Variants in ADCY8 observed in about 807,000 individuals in gnomAD.
The protein encoded by ADCY8 is adenylate cyclase 8.
In ADCY8, 51 loss-of-function variants were observed where a neutral mutation model predicts 119.7. The observed-to-expected ratio is 0.43, with a 90% CI of 0.34 to 0.54. The LOEUF (loss-of-function observed/expected upper bound fraction) is 0.54, where lower values mean the gene tolerates loss of function less well. Among genes scored for constraint, ADCY8 ranks in the 20% least tolerant of loss-of-function variants. ADCY8 has a pLI of 0.03. For missense variants in ADCY8, 1,383 were observed against 1,598.8 expected (o/e 0.87, Z 2.30); for synonymous variants, 665 against 651.0 (o/e 1.02, Z -0.33).
intron 12 of ADCY8, among the ~76,000 whole-genome samples, chr8:130,835,259 CA>C (rs760992536): frequency 6.6e-6 from 1 of 152,134 alleles, no homozygotes; most frequent in Non-Finnish European, 1.5e-5. Flanking sequence ...GTGATGTCAT[CA>C]GAAAGTGCAT....
chr8:130,844,060 G>T (rs1432061397), intron 11 of ADCY8, among the ~76,000 whole-genome samples: 7 of 152,108 alleles, frequency 4.6e-5, no homozygotes, highest in Non-Finnish European at 8.8e-5. Context: ...GGAAAAATGG[G>T]CTCTTCAGGA....
chr8:130,925,118 T>C (rs1433945749), intron 5 of ADCY8, among the ~76,000 whole-genome samples: 1 of 151,802 alleles, frequency 6.6e-6, no homozygotes, highest in Admixed American at 6.6e-5. Context: ...GGCAGGAGAA[T>C]TGCTTGAATC....
At chr8:130,932,248 G>A (rs895983211) in intron 5 of ADCY8, among the ~76,000 whole-genome samples, 1 of 152,180 alleles carries the variant, frequency 6.6e-6, no homozygotes, top group African/African-American at 2.4e-5. Context: ...GCTAAGGGAT[G>A]TCCAGAGCCC....
At chr8:130,962,824 G>A (rs1821644739) in intron 2 of ADCY8, among the ~76,000 whole-genome samples, 1 of 152,170 alleles carries the variant, frequency 6.6e-6, no homozygotes, top group African/African-American at 2.4e-5. Context: ...CTCCACTGCA[G>A]GCAAAGTGGC....
chr8:130,959,905 G>C (rs1333808604), intron 2 of ADCY8, among the ~76,000 whole-genome samples: 1 of 152,154 alleles, frequency 6.6e-6, no homozygotes, highest in Non-Finnish European at 1.5e-5. Context: ...TGTTTATCTC[G>C]AGAGTTACCA....
chr8:130,947,033 C>T (rs1821125702), intron 3 of ADCY8, among the ~76,000 whole-genome samples: 1 of 152,162 alleles, frequency 6.6e-6, no homozygotes, highest in African/African-American at 2.4e-5. Context: ...ATCATCAAGT[C>T]TTTTGATTCT....
At chr8:130,848,385 C>T (rs936434912) in intron 10 of ADCY8, among the ~76,000 whole-genome samples, 2 of 152,188 alleles carry the variant, frequency 1.3e-5, no homozygotes, top group Admixed American at 6.5e-5. Flanking sequence ...ATCAATTGAT[C>T]CCATGTACTT....
Position 131,001,794 on chromosome 8 carries a change from C to T in ADCY8, c.961-11252G>A, listed in dbSNP as rs533852773. On this transcript the variant is annotated intron_variant, in intron 1 of 17. Transcript: ENST00000286355. Reference sequence around the variant, plus strand: ...TAAATGATGCACCATGGATGTTCTTCCTCCAGGTTAAGAAATATCCCAGAG... The same window carrying T: ...TAAATGATGCACCATGGATGTTCTTTCTCCAGGTTAAGAAATATCCCAGAG... Among the ~76,000 whole-genome samples the T allele has an allele frequency of 5.9e-5, 9 of 152,090 alleles. No homozygotes were observed. In the East Asian group the frequency reaches 1.7e-3, roughly 29 times the overall value.
chr8:130,891,956 G>C (rs1338350966), intron 7 of ADCY8: 1 of 152,108 alleles, frequency 6.6e-6, no homozygotes, highest in Non-Finnish European at 1.5e-5. Context: ...TTTTTAGTTA[G>C]AAATCATGCT....
chr8:130,958,283 C>G (rs187125402), intron 2 of ADCY8, among the ~76,000 whole-genome samples: 1 of 152,196 alleles, frequency 6.6e-6, no homozygotes, highest in Non-Finnish European at 1.5e-5. Context: ...TTAAAACAGC[C>G]CAGTTTGTAA....
At chr8:130,957,245 G>C (rs1439124153) in intron 2 of ADCY8, among the ~76,000 whole-genome samples, 1 of 152,196 alleles carries the variant, frequency 6.6e-6, no homozygotes, top group African/African-American at 2.4e-5. Flanking sequence ...AACTTGTTGG[G>C]AACTGGAGCA....
intron 12 of ADCY8, among the ~76,000 whole-genome samples, chr8:130,822,453 G>A (rs1020989637): frequency 6.6e-6 from 1 of 152,148 alleles, no homozygotes; most frequent in Non-Finnish European, 1.5e-5. Context: ...GGGCTGGACT[G>A]TGAGCCACAC....
chr8:130,994,300 T>C (rs942506746), intron 1 of ADCY8, among the ~76,000 whole-genome samples: 2 of 152,256 alleles, frequency 1.3e-5, no homozygotes, highest in Non-Finnish European at 2.9e-5. Flanking sequence ...GTGATCCATT[T>C]GTAAACTGCC....
At chr8:130,883,407 C>G (rs961423364) in intron 8 of ADCY8, among the ~76,000 whole-genome samples, 3 of 151,906 alleles carry the variant, frequency 2.0e-5, no homozygotes, top group African/African-American at 7.3e-5. Flanking sequence ...GTTTCTTTTC[C>G]TTTTGTTTTG....
In ADCY8 at chr8:130,838,644, G is replaced by C. The variant is rs1817058947; in HGVS notation, c.2503-2195C>G. Among the ~76,000 whole-genome samples, 3 of 140,936 alleles carry C rather than the reference G, an allele frequency of 2.1e-5. 1 individual carries two copies. The highest frequency in any genetic ancestry group is 4.8e-5 in the Non-Finnish European group (3 of 62,240). 92.5% of individuals were successfully genotyped at this position (140,936 alleles called of 152,430 possible). ...TTATGAATCATTTATTGGATAAAAA[G>C]CCATTGAAATGATTGTGTCCTTGGA... On this transcript the variant is annotated intron_variant, in intron 11 of 17. Transcript: ENST00000286355.
At chr8:130,945,973 C>T (rs1821094964) in intron 3 of ADCY8, among the ~76,000 whole-genome samples, 1 of 152,188 alleles carries the variant, frequency 6.6e-6, no homozygotes, top group Non-Finnish European at 1.5e-5. Context: ...ACCAGGAAGC[C>T]TGGCTCTGGC....
chr8:131,031,786 T>C (rs1824005047), intron 1 of ADCY8, among the ~76,000 whole-genome samples: 1 of 152,212 alleles, frequency 6.6e-6, no homozygotes, highest in African/African-American at 2.4e-5. Flanking sequence ...TTCTGATTTT[T>C]TTTTAAAATA....
intron 12 of ADCY8, among the ~76,000 whole-genome samples, chr8:130,828,128 G>A (rs1816721733): frequency 6.6e-6 from 1 of 152,124 alleles, no homozygotes; most frequent in African/African-American, 2.4e-5. Context: ...TGCCTGATGG[G>A]GTGTTGGCAA....
chr8:130,804,594 A>G (rs1485023088), intron 14 of ADCY8, among the ~76,000 whole-genome samples: 1 of 152,140 alleles, frequency 6.6e-6, no homozygotes, highest in Admixed American at 6.5e-5. Flanking sequence ...TCTAAAATTC[A>G]TTGTGTAATT....
Sources: gnomAD v4.1 joint callset for allele counts (sites outside exome capture counted in the v4.1 genomes callset) on GRCh38, gnomAD v4.1.1 for gene constraint, MANE v1.5 for transcripts, NCBI Gene and HGNC (gene_info 2026-07-23, HGNC 2026-07-21) for gene names.